Variants in VDAC1 observed in about 807,000 individuals in gnomAD.
The protein encoded by VDAC1 is non-selective voltage-gated ion channel VDAC1.
In VDAC1, 10 loss-of-function variants were observed where a neutral mutation model predicts 34.7. The observed-to-expected ratio is 0.29, with a 90% CI of 0.18 to 0.49. VDAC1 has a LOEUF of 0.49. Among genes scored for constraint, VDAC1 ranks in the 20% least tolerant of loss-of-function variants. The pLI is 0.99. For missense variants in VDAC1, 230 were observed against 347.9 expected (o/e 0.66, Z 2.69); for synonymous variants, 130 against 136.0 (o/e 0.96, Z 0.30).
the VDAC1 span, among the ~76,000 whole-genome samples, chr5:134,109,770 C>CAAAAAAAAA: frequency 3.7e-3 from 517 of 140,148 alleles, 9 homozygotes; most frequent in African/African-American, 0.014. Flanking sequence ...GGCTCCATCT[C>CAAAAAAAAA]AAAAAAAAAA....
chr5:134,108,880 A>G, the VDAC1 span, among the ~76,000 whole-genome samples: 3 of 152,146 alleles, frequency 2.0e-5, no homozygotes, highest in Non-Finnish European at 2.9e-5. Context: ...CCCACCCGGA[A>G]AAGGCCACAT....
At chr5:134,087,684 C>CGT in the VDAC1 span, among the ~76,000 whole-genome samples, 14 of 150,514 alleles carry the variant, frequency 9.3e-5, no homozygotes, top group East Asian at 2.8e-3. Flanking sequence ...GTGAAACCCC[C>CGT]GTCTCTACTA....
At chr5:134,032,341 T>C in the VDAC1 span, among the ~76,000 whole-genome samples, 1 of 152,074 alleles carries the variant, frequency 6.6e-6, no homozygotes, top group African/African-American at 2.4e-5. Context: ...TGAATGTGTG[T>C]GGTTTTAAGC....
chr5:134,060,880 C>T, the VDAC1 span, among the ~76,000 whole-genome samples: 16 of 98,658 alleles, frequency 1.6e-4, 1 homozygote, highest in East Asian at 2.7e-3. Flanking sequence ...TCTTCTTCTT[C>T]TTTTTTTTTT....
chr5:134,074,974 C>T, the VDAC1 span, among the ~76,000 whole-genome samples: 2 of 152,154 alleles, frequency 1.3e-5, no homozygotes, highest in Non-Finnish European at 2.9e-5. Context: ...CCTCTCTACT[C>T]ATAACTTTGC....
chr5:134,023,415 C>G, the VDAC1 span, among the ~76,000 whole-genome samples: 1 of 150,010 alleles, frequency 6.7e-6, no homozygotes, highest in Admixed American at 6.7e-5. Context: ...CAGCAAACCA[C>G]CATGGCACAC....
chr5:133,992,869 A>G (rs10491289), intron 2 of VDAC1, 77 bp downstream of exon 2: 213,008 of 1,440,574 alleles, frequency 0.15, 17,167 homozygotes, highest in East Asian at 0.3. Flanking sequence ...CAGGTCTCCT[A>G]AACAGTTATC....
the VDAC1 span, among the ~76,000 whole-genome samples, chr5:134,046,626 C>T: frequency 6.6e-6 from 1 of 152,190 alleles, no homozygotes; most frequent in African/African-American, 2.4e-5. Flanking sequence ...GAGGAAAATG[C>T]CCAAGGTTTA....
the VDAC1 span, among the ~76,000 whole-genome samples, chr5:134,110,960 C>T: frequency 1.3e-5 from 2 of 152,214 alleles, no homozygotes; most frequent in Non-Finnish European, 2.9e-5. Flanking sequence ...AGCCAATTAG[C>T]CTAACAACTT....
At chr5:134,024,377 A>C in the VDAC1 span, among the ~76,000 whole-genome samples, 1 of 151,708 alleles carries the variant, frequency 6.6e-6, no homozygotes, top group Non-Finnish European at 1.5e-5. Flanking sequence ...AAAAATACAA[A>C]AATTAGCCAG....
the VDAC1 span, among the ~76,000 whole-genome samples, chr5:134,046,231 T>C: frequency 1.3e-5 from 2 of 151,946 alleles, no homozygotes; most frequent in African/African-American, 4.8e-5. Flanking sequence ...GGTTTCATCG[T>C]GTTAGCCAGG....
In VDAC1 at chr5:133,992,949, A is replaced by G. The variant is rs1361297656; in HGVS notation, c.64T>C (p.Tyr22His). ...KSARDVFTKG[Y>H]GFGLIKLDLK... ...ACCCCCTCTCTGCAACACTCACCAT[A>G]GCCCTTGGTGAAGACATCCCTGGCA... Residue 22 changes from tyrosine (Y) to histidine (H), a missense_variant, in exon 2 of 9, where the codon TAT (tyrosine) becomes CAT (histidine). Tyr to His is a moderately conservative substitution (Grantham distance 83, BLOSUM62 2). Transcript: ENST00000265333. The G allele has an allele frequency of 6.2e-7, 1 of 1,613,600 alleles. No homozygotes were observed. Among genetic ancestry groups the G allele is most frequent in the East Asian group, 2.2e-5 (1 of 44,886 alleles).
At chr5:134,049,843 G>A in the VDAC1 span, among the ~76,000 whole-genome samples, 23 of 152,056 alleles carry the variant, frequency 1.5e-4, 2 homozygotes, top group South Asian at 2.7e-3. Context: ...GGCCTCCCAC[G>A]GTGCTGGGAT....
At chr5:134,037,345 G>A in the VDAC1 span, among the ~76,000 whole-genome samples, 11 of 152,160 alleles carry the variant, frequency 7.2e-5, no homozygotes, top group African/African-American at 2.7e-4. Context: ...CGAGGTGCTT[G>A]GAGAAAGTGA....
intron 1 of VDAC1, among the ~76,000 whole-genome samples, chr5:134,002,106 G>A (rs1753581116): frequency 1.3e-5 from 2 of 151,908 alleles, no homozygotes; most frequent in Admixed American, 6.6e-5. Context: ...ACTACACCAC[G>A]GGAAATTCCA....
the VDAC1 span, among the ~76,000 whole-genome samples, chr5:134,066,342 C>G: frequency 6.6e-6 from 1 of 152,190 alleles, no homozygotes; most frequent in African/African-American, 2.4e-5. Context: ...TCTGTTGTAA[C>G]TATTCAACTC....
At chr5:134,011,640 T>G in the VDAC1 span, among the ~76,000 whole-genome samples, 1 of 45,370 alleles carries the variant, frequency 2.2e-5, no homozygotes, top group Non-Finnish European at 4.9e-5. Flanking sequence ...TCACAAGTTC[T>G]TTTTTTTTTT....
At chr5:133,975,268 TA>T (rs918039298) in intron 7 of VDAC1, among the ~76,000 whole-genome samples, 1 of 151,124 alleles carries the variant, frequency 6.6e-6, no homozygotes, top group African/African-American at 2.4e-5. Flanking sequence ...AAACAAAAAA[TA>T]AAAAAAACCC....
intron 7 of VDAC1, among the ~76,000 whole-genome samples, chr5:133,974,409 G>T (rs1416480510): frequency 6.6e-6 from 1 of 152,148 alleles, no homozygotes; most frequent in Non-Finnish European, 1.5e-5. Flanking sequence ...ACTGACTATT[G>T]ATTTCTTAAT....
Sources: allele counts gnomAD v4.1 joint callset (sites outside exome capture counted in the v4.1 genomes callset), GRCh38; gene constraint gnomAD v4.1.1; transcripts MANE v1.5; gene names NCBI Gene and HGNC (gene_info 2026-07-23, HGNC 2026-07-21).